UNC5C: variants seen among roughly 807,000 people sequenced by gnomAD.
UNC5C encodes netrin receptor UNC5C.
A neutral mutation model predicts 99.8 loss-of-function variants in UNC5C; 47 were observed. The ratio of observed to expected loss-of-function variants is 0.47; its 90% CI spans 0.37 to 0.60. UNC5C has a LOEUF of 0.60. Among genes scored for constraint, UNC5C ranks in the 20% least tolerant of loss-of-function variants. The probability of loss-of-function intolerance (pLI) is 0.00; values close to 1 mark genes in which losing one functional copy is unlikely to be tolerated. For missense variants in UNC5C, 1,062 were observed against 1,165.9 expected (o/e 0.91, Z 1.30); for synonymous variants, 487 against 452.2 (o/e 1.08, Z -0.98).
intron 1 of UNC5C, among the ~76,000 whole-genome samples, chr4:95,528,075 T>C (rs772742238): frequency 6.6e-6 from 1 of 152,202 alleles, no homozygotes. Context: ...ATTGCAGTTC[T>C]AAAAATTATT....
chr4:95,340,032 T>G (rs917217136), intron 1 of UNC5C, among the ~76,000 whole-genome samples: 1 of 152,136 alleles, frequency 6.6e-6, no homozygotes, highest in Non-Finnish European at 1.5e-5. Flanking sequence ...ATTTCCTTTT[T>G]TCTGTTATCT....
chr4:95,501,453 A>G (rs1721773289), intron 1 of UNC5C, among the ~76,000 whole-genome samples: 1 of 152,126 alleles, frequency 6.6e-6, no homozygotes, highest in Non-Finnish European at 1.5e-5. Context: ...CATTTGCAAC[A>G]TATTTTTTGT....
intron 1 of UNC5C, among the ~76,000 whole-genome samples, chr4:95,384,828 G>T (rs1560813508): frequency 6.6e-6 from 1 of 152,086 alleles, no homozygotes; most frequent in East Asian, 1.9e-4. Flanking sequence ...GGAGAAGAGG[G>T]AACAAAATTT....
intron 1 of UNC5C, among the ~76,000 whole-genome samples, chr4:95,535,506 C>T (rs1380465862): frequency 6.6e-6 from 1 of 152,170 alleles, no homozygotes; most frequent in Non-Finnish European, 1.5e-5. Flanking sequence ...AGGAGCTATT[C>T]TCAGTTCTTC....
chr4:95,530,504 C>T (rs745589368), intron 1 of UNC5C, among the ~76,000 whole-genome samples: 8 of 152,126 alleles, frequency 5.3e-5, no homozygotes, highest in Non-Finnish European at 1.0e-4. Context: ...ACTACCAAGG[C>T]AATTATGTTT....
intron 2 of UNC5C, among the ~76,000 whole-genome samples, chr4:95,326,376 T>C (rs1157438459): frequency 6.6e-6 from 1 of 151,346 alleles, no homozygotes; most frequent in Non-Finnish European, 1.5e-5. Context: ...TTTTAGATGG[T>C]AGATCTTAGG....
chr4:95,422,014 G>C (rs1361291937), intron 1 of UNC5C, among the ~76,000 whole-genome samples: 2 of 152,172 alleles, frequency 1.3e-5, no homozygotes, highest in African/African-American at 4.8e-5. Context: ...AGGGCCAACA[G>C]AGCACATGTC....
chr4:95,396,775 T>C (rs1745522786), intron 1 of UNC5C, among the ~76,000 whole-genome samples: 1 of 152,120 alleles, frequency 6.6e-6, no homozygotes, highest in Non-Finnish European at 1.5e-5. Context: ...TACTTTTCAT[T>C]TTAACAAAGT....
Position 95,339,710 on chromosome 4 carries a change from C to T in UNC5C, c.125-4079G>A, listed in dbSNP as rs1743488495. On this transcript the variant is annotated intron_variant, in intron 1 of 15. Transcript: ENST00000453304. ...CAGGTATCCCAAATTATTACCTTTT[C>T]TATAAATGCACACCCCAGCTGCTGG... is the stretch of plus-strand genomic sequence containing the variant. 3.3e-5 allele frequency among the ~76,000 whole-genome samples: 5 copies of T among 152,200 alleles called. No individual in the cohort carries two copies. In the Middle Eastern group the frequency reaches 0.014, roughly 414 times the overall value.
intron 1 of UNC5C, among the ~76,000 whole-genome samples, chr4:95,471,683 T>C (rs1222422342): frequency 6.6e-6 from 1 of 152,158 alleles, no homozygotes; most frequent in Non-Finnish European, 1.5e-5. Context: ...TTTCCTTTCA[T>C]GCATAGGCAT....
intron 3 of UNC5C, among the ~76,000 whole-genome samples, chr4:95,288,284 C>T (rs868543985): frequency 8.5e-5 from 13 of 152,054 alleles, no homozygotes; most frequent in Middle Eastern, 3.4e-3. Flanking sequence ...GGGGTTTCAC[C>T]GTGCCAGCCA....
At chr4:95,384,217 A>T (rs1425532046) in intron 1 of UNC5C, among the ~76,000 whole-genome samples, 2 of 152,176 alleles carry the variant, frequency 1.3e-5, no homozygotes, top group African/African-American at 4.8e-5. Context: ...TATTTATTGA[A>T]TAACTATTAC....
At chr4:95,295,996 A>C (rs1741657306) in intron 3 of UNC5C, among the ~76,000 whole-genome samples, 1 of 152,226 alleles carries the variant, frequency 6.6e-6, no homozygotes, top group Non-Finnish European at 1.5e-5. Context: ...AGGCTGAGGC[A>C]GGAAAATCAC....
intron 1 of UNC5C, among the ~76,000 whole-genome samples, chr4:95,362,123 A>G (rs1302803159): frequency 6.6e-6 from 1 of 152,104 alleles, no homozygotes; most frequent in Non-Finnish European, 1.5e-5. Flanking sequence ...CACCTGTTAA[A>G]TGAGGAATGA....
intron 1 of UNC5C, among the ~76,000 whole-genome samples, chr4:95,483,024 TAATAATAATAATAA>T (rs1560851078): frequency 2.1e-5 from 3 of 140,452 alleles, no homozygotes; most frequent in Non-Finnish European, 3.1e-5. Context: ...ATAATAATAA[TAATAATAATAATAA>T]TAATAAAAAC....
chr4:95,533,749 T>A (rs1301879889), intron 1 of UNC5C, among the ~76,000 whole-genome samples: 3 of 152,180 alleles, frequency 2.0e-5, no homozygotes, highest in African/African-American at 7.2e-5. Context: ...TAGAACTTCC[T>A]AAGACAGTTT....
chr4:95,211,341 A>G (rs1465252297), intron 10 of UNC5C, among the ~76,000 whole-genome samples: 1 of 152,074 alleles, frequency 6.6e-6, no homozygotes, highest in Admixed American at 6.5e-5. Flanking sequence ...CAAAAATAAT[A>G]TTTATGAAAG....
intron 5 of UNC5C, among the ~76,000 whole-genome samples, chr4:95,246,046 A>G (rs548645347): frequency 1.9e-3 from 294 of 152,334 alleles, no homozygotes; most frequent in Non-Finnish European, 3.2e-3. Flanking sequence ...GCATTTGCCC[A>G]ATATTTTGTT....
chr4:95,371,825 A>T (rs1159367308), intron 1 of UNC5C, among the ~76,000 whole-genome samples: 1 of 152,178 alleles, frequency 6.6e-6, no homozygotes, highest in African/African-American at 2.4e-5. Context: ...CCAATAAAAC[A>T]TCTGTTCTCT....
Sources: allele counts gnomAD v4.1 joint callset (sites outside exome capture counted in the v4.1 genomes callset), GRCh38; gene constraint gnomAD v4.1.1; transcripts MANE v1.5; gene names NCBI Gene and HGNC (gene_info 2026-07-23, HGNC 2026-07-21).